The following ATAD2B variants were observed in gnomAD, a reference collection of about 807,000 sequenced individuals.
ATAD2B encodes the protein ATPase family AAA domain-containing protein 2B.
ATAD2B carries 40 observed loss-of-function variants against 167.6 expected under a neutral mutation model. That is an observed-to-expected ratio of 0.24 (90% CI 0.19 to 0.31). The LOEUF is 0.31. Ranked by LOEUF, ATAD2B falls within the 10% of genes least tolerant of loss-of-function variation. The probability of loss-of-function intolerance (pLI) is 1.00; values close to 1 mark genes in which losing one functional copy is unlikely to be tolerated. For missense variants in ATAD2B, 1,242 were observed against 1,757.2 expected (o/e 0.71, Z 5.24); for synonymous variants, 579 against 596.5 (o/e 0.97, Z 0.43).
the ATAD2B span, among the ~76,000 whole-genome samples, chr2:23,729,737 T>C: frequency 6.6e-6 from 1 of 152,120 alleles, no homozygotes; most frequent in Non-Finnish European, 1.5e-5. Context: ...ATTTATTGTT[T>C]AAAAAAGAAT....
chr2:23,893,387 C>A (rs1699784057), intron 2 of ATAD2B, among the ~76,000 whole-genome samples: 1 of 152,008 alleles, frequency 6.6e-6, no homozygotes, highest in South Asian at 2.1e-4. Flanking sequence ...CTTAGATGCT[C>A]ATAAGAGTTT....
At chr2:23,889,645 C>A (rs115899044) in intron 2 of ATAD2B, among the ~76,000 whole-genome samples, 1,777 of 152,110 alleles carry the variant, frequency 0.012, 43 homozygotes, top group African/African-American at 0.041. Context: ...TCAAGCCAGG[C>A]GCGATGGCTC....
downstream of ATAD2B, among the ~76,000 whole-genome samples, chr2:23,747,765 G>T (rs1674976973): frequency 1.3e-5 from 2 of 152,076 alleles, no homozygotes; most frequent in Admixed American, 6.6e-5. Context: ...ACATATACAT[G>T]TGGGGGTAAA....
At chr2:23,818,680 A>G (rs1220382332) in intron 17 of ATAD2B, among the ~76,000 whole-genome samples, 1 of 152,226 alleles carries the variant, frequency 6.6e-6, no homozygotes, top group East Asian at 1.9e-4. Flanking sequence ...CAAAATATTA[A>G]AAGTACACAC....
chr2:23,682,600 C>T, the ATAD2B span, among the ~76,000 whole-genome samples: 1 of 152,212 alleles, frequency 6.6e-6, no homozygotes, highest in Non-Finnish European at 1.5e-5. The surrounding 1 kb of genome is among the most constrained non-coding windows in gnomAD (Gnocchi z 4.1). Flanking sequence ...CTGGCCCCGC[C>T]CACCGCCTCA....
intron 20 of ATAD2B, among the ~76,000 whole-genome samples, chr2:23,787,428 T>A (rs367799014): frequency 1.1e-4 from 16 of 151,982 alleles, no homozygotes; most frequent in Admixed American, 2.0e-4. Flanking sequence ...ATTTTCATAA[T>A]GAAATATTTA....
intron 6 of ATAD2B, 94 bp from the exon 7 acceptor site, chr2:23,880,849 T>A (rs980223929): frequency 2.7e-6 from 2 of 738,228 alleles, no homozygotes; most frequent in African/African-American, 3.6e-5. Flanking sequence ...ACTTTATCCA[T>A]TACTCTTTCT....
the ATAD2B span, chr2:23,696,751 G>A: frequency 1.7e-5 from 8 of 466,356 alleles, no homozygotes; most frequent in South Asian, 1.2e-4. This position sits in a 1 kb window ranked among gnomAD's most constrained non-coding sequence, Gnocchi z 5.5. Flanking sequence ...GAGATGGGGC[G>A]CTTCTGTCCC....
intron 13 of ATAD2B, among the ~76,000 whole-genome samples, chr2:23,852,268 A>G (rs570375454): frequency 3.0e-4 from 45 of 152,134 alleles, no homozygotes; most frequent in Non-Finnish European, 5.3e-4. Context: ...CTTTCAGAAA[A>G]TAGAGAAAGA....
the ATAD2B span, among the ~76,000 whole-genome samples, chr2:23,720,057 T>C: frequency 6.6e-6 from 1 of 152,154 alleles, no homozygotes; most frequent in Non-Finnish European, 1.5e-5. Flanking sequence ...GAGGTAAACC[T>C]GGGCTTAAGG....
chr2:23,906,024 G>A (rs1701429706), intron 1 of ATAD2B, among the ~76,000 whole-genome samples: 2 of 152,110 alleles, frequency 1.3e-5, no homozygotes, highest in Admixed American at 6.6e-5. Flanking sequence ...GTTAGACCCA[G>A]TAATTCCACT....
the ATAD2B span, chr2:23,696,805 A>G: frequency 6.1e-6 from 2 of 329,810 alleles, no homozygotes; most frequent in Non-Finnish European, 1.1e-5. The surrounding 1 kb of genome is among the most constrained non-coding windows in gnomAD (Gnocchi z 5.5). Flanking sequence ...CCCAAGATCC[A>G]GTTGCAGAAG....
In ATAD2B at chr2:23,869,767, TAA is replaced by T. The variant is rs1361057926; in HGVS notation, c.978-8_978-7del. ...GAATGGCATGCTTCTTTCTCCTATT[TAA>T]AGAGAGTAAAATCCTTAAAACCATT... On this transcript the variant is annotated splice_polypyrimidine_tract_variant and splice_region_variant and intron_variant, in intron 8 of 27. Transcript: ENST00000238789. The T allele has an allele frequency of 1.3e-6, 2 of 1,538,284 alleles. No individual in the cohort carries two copies. The highest frequency in any genetic ancestry group is 2.7e-5 in the African/African-American group (2 of 73,178).
intron 14 of ATAD2B, among the ~76,000 whole-genome samples, chr2:23,831,874 G>C (rs1689123297): frequency 2.0e-5 from 3 of 151,630 alleles, no homozygotes; most frequent in African/African-American, 7.3e-5. Flanking sequence ...ACATTATCTT[G>C]CCCCTGCTTC....
chr2:23,921,141 G>C (rs1335073818), intron 1 of ATAD2B, among the ~76,000 whole-genome samples: 1 of 136,798 alleles, frequency 7.3e-6, no homozygotes. Flanking sequence ...GGGAAGCGGA[G>C]GTTGCAGTAA....
chr2:23,807,151 G>A (rs1684522825), intron 18 of ATAD2B, among the ~76,000 whole-genome samples: 1 of 152,188 alleles, frequency 6.6e-6, no homozygotes, highest in Non-Finnish European at 1.5e-5. Context: ...CTGGAGCAAT[G>A]ATCAGATCAT....
intron 1 of ATAD2B, among the ~76,000 whole-genome samples, chr2:23,920,842 C>T (rs894820947): frequency 4.6e-5 from 7 of 152,132 alleles, no homozygotes; most frequent in African/African-American, 1.4e-4. Flanking sequence ...CATAGACTCC[C>T]CCTCCAGAGA....
At chr2:23,852,707 T>C (rs2149914793) in intron 13 of ATAD2B, among the ~76,000 whole-genome samples, 1 of 151,812 alleles carries the variant, frequency 6.6e-6, no homozygotes. Context: ...TCACCTGAGG[T>C]CAGGCGTTCA....
At chr2:23,748,354 A>G (rs1457717227), downstream of ATAD2B, among the ~76,000 whole-genome samples, 1 of 152,182 alleles carries the variant, frequency 6.6e-6, no homozygotes, top group Non-Finnish European at 1.5e-5. Context: ...CTAATGAACC[A>G]TATGACCTGA....
Sources: allele counts gnomAD v4.1 joint callset (sites outside exome capture counted in the v4.1 genomes callset), GRCh38; gene constraint gnomAD v4.1.1; non-coding constraint Gnocchi (gnomAD v3.1); transcripts MANE v1.5; gene names NCBI Gene and HGNC (gene_info 2026-07-23, HGNC 2026-07-21).